NTNG2: variants seen among roughly 807,000 people sequenced by gnomAD.
The protein encoded by NTNG2 is netrin-G2.
A neutral mutation model predicts 47.6 loss-of-function variants in NTNG2; 15 were observed. The ratio of observed to expected loss-of-function variants is 0.32; its 90% CI spans 0.21 to 0.49. The LOEUF (loss-of-function observed/expected upper bound fraction) is 0.49. Among genes scored for constraint, NTNG2 ranks in the 20% least tolerant of loss-of-function variants. The pLI is 0.99. For synonymous variants in NTNG2, 307 were observed against 324.6 expected (o/e 0.95, Z 0.58); for missense variants, 578 against 764.6 (o/e 0.76, Z 2.88).
At chr9:132,207,587 A>T (rs1195610796) in intron 3 of NTNG2, among the ~76,000 whole-genome samples, 2 of 151,674 alleles carry the variant, frequency 1.3e-5, no homozygotes, top group African/African-American at 2.4e-5. Context: ...CATCCACAAA[A>T]CCCCGTTTCC....
intron 3 of NTNG2, among the ~76,000 whole-genome samples, chr9:132,213,194 T>C (rs1839725731): frequency 6.6e-6 from 1 of 152,042 alleles, no homozygotes; most frequent in Non-Finnish European, 1.5e-5. Context: ...TAGTGGTGCA[T>C]GCCTATAATC....
chr9:132,236,228 G>A lies in NTNG2; in HGVS notation c.1055-2876G>A, dbSNP rs956289143. ...CACATTCCAGGCCGCAGGGCCAGCC[G>A]GGGCAAAGGCTTGGCAGTGGGATGG... is the stretch of plus-strand genomic sequence containing the variant. On this transcript the variant is annotated intron_variant, in intron 5 of 7. Transcript: ENST00000393229. The surrounding 1 kb of genome is among the most constrained non-coding windows in gnomAD (Gnocchi z 4.3). Among the ~76,000 whole-genome samples, 6 of 152,234 alleles carry A rather than the reference G, an allele frequency of 3.9e-5. No individual in the cohort carries two copies. Among genetic ancestry groups the A allele is most frequent in the African/African-American group, 9.6e-5 (4 of 41,460 alleles).
Position 132,162,555 on chromosome 9 carries a change from T to TGTGA in NTNG2, c.-484+317_-484+318insTGAG, listed in dbSNP as rs112179857. On this transcript the variant is annotated intron_variant, in intron 1 of 7. Coordinates refer to ENST00000393229, the MANE Select transcript of NTNG2 (RefSeq NM_032536.4). The surrounding 1 kb of genome is among the most constrained non-coding windows in gnomAD (Gnocchi z 4.6). ...GTGAGAGTGTGTGTGTGTGTGTGTG[T>TGTGA]GAGAGAGAGACAGAGTGTGTGTGTG... Among the ~76,000 whole-genome samples, 4,638 of 139,422 alleles carry TGTGA rather than the reference T, an allele frequency of 0.033. 298 individuals are homozygous for TGTGA. The highest frequency in any genetic ancestry group is 0.099 in the African/African-American group (3,638 of 36,832). 91.5% of individuals were successfully genotyped at this position (139,422 alleles called of 152,430 possible). A position where few individuals can be genotyped will look rare whatever the true frequency, so the allele number is the denominator to read the frequency against.
intron 6 of NTNG2, among the ~76,000 whole-genome samples, chr9:132,240,358 C>T (rs545537074): frequency 2.0e-5 from 3 of 152,346 alleles, no homozygotes; most frequent in East Asian, 3.9e-4. Flanking sequence ...CTCTCCCTGC[C>T]TCCACCCCGA....
chr9:132,185,700 A>C (rs1837309416), intron 2 of NTNG2, among the ~76,000 whole-genome samples: 1 of 149,270 alleles, frequency 6.7e-6, no homozygotes, highest in African/African-American at 2.5e-5. Flanking sequence ...TCATCCTTCC[A>C]TCTCTCCTTT....
At chr9:132,214,080 C>T (rs1004606502) in intron 3 of NTNG2, among the ~76,000 whole-genome samples, 2 of 152,250 alleles carry the variant, frequency 1.3e-5, no homozygotes, top group African/African-American at 2.4e-5. Flanking sequence ...CCTCCTCCTC[C>T]CTGCCCAGCT....
chr9:132,216,700 T>C (rs562132398), intron 3 of NTNG2, among the ~76,000 whole-genome samples: 26 of 152,122 alleles, frequency 1.7e-4, no homozygotes, highest in Non-Finnish European at 1.0e-4. Context: ...TCTGGTGAGA[T>C]TGATGGTTCC....
chr9:132,217,214 G>T (rs1002148815), intron 3 of NTNG2, among the ~76,000 whole-genome samples: 1 of 152,240 alleles, frequency 6.6e-6, no homozygotes, highest in African/African-American at 2.4e-5. Context: ...GTCTGTCCAC[G>T]TAGGAGCACT....
At chr9:132,175,752 C>T (rs1272653391) in intron 2 of NTNG2, among the ~76,000 whole-genome samples, 1 of 152,108 alleles carries the variant, frequency 6.6e-6, no homozygotes, top group East Asian at 1.9e-4. Flanking sequence ...AGTGCTAGGC[C>T]CTGGCTGCTG....
rs762148209 is a variant in NTNG2, at chr9:132,180,206, G to A, written c.213+13162G>A. Among the ~76,000 whole-genome samples the A allele has an allele frequency of 4.6e-5, 7 of 152,190 alleles. No homozygotes were observed. Reference sequence around the variant, plus strand: ...GGGGAAATAAAAGGAAATGAAACACGACCAGGCATTTTCCCTTGGCCGAAG... The same window carrying A: ...GGGGAAATAAAAGGAAATGAAACACAACCAGGCATTTTCCCTTGGCCGAAG... On this transcript the variant is annotated intron_variant, in intron 2 of 7. Transcript: ENST00000393229. This position sits in a 1 kb window ranked among gnomAD's most constrained non-coding sequence, Gnocchi z 4.2.
intron 2 of NTNG2, among the ~76,000 whole-genome samples, chr9:132,184,013 G>T (rs1207161702): frequency 2.0e-5 from 3 of 152,166 alleles, no homozygotes; most frequent in African/African-American, 7.2e-5. Context: ...CACGAAGGAT[G>T]TTCACAAATA....
rs78237972 is a variant in NTNG2 at position 132,180,449 on chromosome 9, T to C, written c.213+13405T>C. On this transcript the variant is annotated intron_variant, in intron 2 of 7. Coordinates refer to ENST00000393229, the MANE Select transcript of NTNG2 (RefSeq NM_032536.4). The surrounding 1 kb of genome is among the most constrained non-coding windows in gnomAD (Gnocchi z 4.2). ...GTTAATCCAGAACGCACCTTGTCTC[T>C]GCCCCTGTCCCCACCCAGGCAACAT... Among the ~76,000 whole-genome samples the C allele has an allele frequency of 0.1, 15,382 of 152,266 alleles. 1,235 individuals are homozygous for C. The highest frequency in any genetic ancestry group is 0.2 in the African/African-American group (8,326 of 41,534).
At position 132,198,431 on chromosome 9, in the gene NTNG2, C is replaced by CT. The variant is rs1484878913; in HGVS notation, c.680dup (p.Arg228AlafsTer139). 1 of 1,613,122 alleles carries CT rather than the reference C, an allele frequency of 6.2e-7. No homozygotes were observed. The highest frequency in any genetic ancestry group is 8.5e-7 in the Non-Finnish European group (1 of 1,179,974). ...CTTCGCCATCTTTGCCGGCCCCGAC[C>CT]TGCGCAACATGGACAACCTCTACAC... On this transcript the variant is annotated frameshift_variant, in exon 3 of 8. Transcript: ENST00000393229. LOFTEE classifies it high-confidence loss of function.
At chr9:132,164,851 C>T (rs1305669705) in intron 1 of NTNG2, among the ~76,000 whole-genome samples, 1 of 152,188 alleles carries the variant, frequency 6.6e-6, no homozygotes, top group East Asian at 1.9e-4. Context: ...GCCCTGGGGC[C>T]CTGGCTGGGG....
chr9:132,188,398 C>A (rs957877062), intron 2 of NTNG2, among the ~76,000 whole-genome samples: 2 of 152,254 alleles, frequency 1.3e-5, no homozygotes, highest in African/African-American at 4.8e-5. Flanking sequence ...GCGTCCTTTC[C>A]CTTTTGGGTG....
At chr9:132,186,954 CTG>C (rs1837435128) in intron 2 of NTNG2, among the ~76,000 whole-genome samples, 1 of 152,256 alleles carries the variant, frequency 6.6e-6, no homozygotes, top group Admixed American at 6.5e-5. Flanking sequence ...AGGAGGAACA[CTG>C]TGGGCAGGGT....
chr9:132,196,444 C>T (rs376750387), intron 2 of NTNG2, among the ~76,000 whole-genome samples: 19 of 152,268 alleles, frequency 1.2e-4, no homozygotes, highest in African/African-American at 4.3e-4. Context: ...CTGCCCGCCT[C>T]GGCCTCCCAA....
chr9:132,238,454 G>A (rs1296075725), intron 5 of NTNG2, among the ~76,000 whole-genome samples: 1 of 152,180 alleles, frequency 6.6e-6, no homozygotes, highest in African/African-American at 2.4e-5. Context: ...GGACCAGGGG[G>A]AGGCATGCAG....
At chr9:132,205,253 A>G (rs1462410975) in intron 3 of NTNG2, among the ~76,000 whole-genome samples, 3 of 152,242 alleles carry the variant, frequency 2.0e-5, no homozygotes, top group Non-Finnish European at 4.4e-5. Context: ...TGACCCATCC[A>G]TATAATGGAA....
Sources: allele counts gnomAD v4.1 joint callset (sites outside exome capture counted in the v4.1 genomes callset), GRCh38; gene constraint gnomAD v4.1.1; non-coding constraint Gnocchi (gnomAD v3.1); transcripts MANE v1.5; gene names NCBI Gene and HGNC (gene_info 2026-07-23, HGNC 2026-07-21).